ZNF280D: variants seen among roughly 807,000 people sequenced by gnomAD.
ZNF280D encodes the protein suppressor of hairy wing homolog 4.
Under a neutral mutation model 94.7 loss-of-function variants are expected in ZNF280D, and 39 were observed. The observed-to-expected ratio is 0.41, with a 90% CI of 0.32 to 0.54. ZNF280D has a LOEUF of 0.54. Ranked by LOEUF, ZNF280D falls within the 20% of genes least tolerant of loss-of-function variation. ZNF280D has a pLI of 0.22. For synonymous variants in ZNF280D, 398 were observed against 377.6 expected, an observed-to-expected ratio of 1.05 and a Z score of -0.63; for missense variants, 1,090 against 1,149.3, an observed-to-expected ratio of 0.95 and a Z score of 0.75.
chr15:56,678,364 G>A (rs2055388064), intron 11 of ZNF280D, among the ~76,000 whole-genome samples: 1 of 152,084 alleles, frequency 6.6e-6, no homozygotes, highest in African/African-American at 2.4e-5. Flanking sequence ...TTTAAATGAA[G>A]AGCAATGATT....
At position 56,710,884 on chromosome 15, in the gene ZNF280D, A is replaced by G. The variant is rs1400538080; in HGVS notation, c.-85-3578T>C. Among the ~76,000 whole-genome samples the G allele has an allele frequency of 1.2e-4, 18 of 152,196 alleles. 1 individual carries two copies. Among genetic ancestry groups the G allele is most frequent in the African/African-American group, 4.3e-4 (18 of 41,450 alleles). ...GATAAGAAAAAAATTAAGCAATTTC[A>G]CAAACTACAACTGTAGTATCTGCAC... On this transcript the variant is annotated intron_variant, in intron 1 of 21. Transcript: ENST00000267807.
In ZNF280D at chr15:56,709,386, T is replaced by C. The variant is rs1404100902; in HGVS notation, c.-85-2080A>G. ...AGATGCTAGAGAGGATGTGGAGAAA[T>C]AGGAACACTTTTACACTGTTGGTGG... On this transcript the variant is annotated intron_variant, in intron 1 of 21. Coordinates refer to ENST00000267807, the MANE Select transcript of ZNF280D (RefSeq NM_017661.4). Among the ~76,000 whole-genome samples, 41 of 150,818 alleles carry C rather than the reference T, an allele frequency of 2.7e-4. No homozygotes were observed. The South Asian group carries it at 3.6e-3, about 13-fold the overall frequency.
At position 56,654,199 on chromosome 15, in the gene ZNF280D, CAGAA is replaced by C; in HGVS notation, c.2208_2211del (p.Ser737AsnfsTer2). ...GCACTGAATAAAAATTAAACTTACT[CAGAA>C]AGGTGCTCAGAAGTTGGGATACAAA... On this transcript the variant is annotated frameshift_variant and splice_region_variant, in exon 19 of 22. Coordinates refer to ENST00000267807, the MANE Select transcript of ZNF280D (RefSeq NM_017661.4). LOFTEE classifies it high-confidence loss of function. The C allele has an allele frequency of 6.2e-7, 1 of 1,607,992 alleles. No homozygotes were observed. The highest frequency in any genetic ancestry group is 8.5e-7 in the Non-Finnish European group (1 of 1,178,376).
intron 1 of ZNF280D, among the ~76,000 whole-genome samples, chr15:56,716,857 T>C (rs1430523247): frequency 1.3e-5 from 2 of 152,196 alleles, no homozygotes; most frequent in Non-Finnish European, 2.9e-5. Flanking sequence ...GGCTCATTTG[T>C]AGAAATAACT....
intron 1 of ZNF280D, among the ~76,000 whole-genome samples, chr15:56,727,961 A>G (rs1368551611): frequency 6.6e-6 from 1 of 152,196 alleles, no homozygotes; most frequent in Non-Finnish European, 1.5e-5. Context: ...AATATGGACC[A>G]TGCTGTTCTG....
intron 1 of ZNF280D, among the ~76,000 whole-genome samples, chr15:56,732,037 C>CT (rs1206107087): frequency 6.6e-6 from 1 of 152,166 alleles, no homozygotes; most frequent in Non-Finnish European, 1.5e-5. Flanking sequence ...GAAAGGGCAA[C>CT]TGAGTAATGT....
chr15:56,669,997 T>TAA (rs1491496939), intron 13 of ZNF280D, among the ~76,000 whole-genome samples: 1 of 676 alleles, frequency 1.5e-3, no homozygotes, highest in Non-Finnish European at 3.2e-3. Context: ...TATATATATA[T>TAA]TATATATATA....
chr15:56,678,968 C>G, intron 10 of ZNF280D, 147 bp from the exon 11 acceptor site: 2 of 633,008 alleles, frequency 3.2e-6, no homozygotes, highest in Non-Finnish European at 4.8e-6. Flanking sequence ...AAAGTATGCA[C>G]TTTTAAATAA....
Position 56,631,222 on chromosome 15 carries a change from T to C in ZNF280D, c.*276A>G, listed in dbSNP as rs1216708769. 2 of 318,600 alleles carry C rather than the reference T, an allele frequency of 6.3e-6. No homozygotes were observed. Among genetic ancestry groups the C allele is most frequent in the African/African-American group, 2.1e-5 (1 of 47,848 alleles). The allele number at this position is 318,600 out of a possible 1,614,324, so 19.7% of individuals were successfully genotyped here. On this transcript the variant is annotated 3_prime_UTR_variant, in exon 22 of 22. Coordinates refer to ENST00000267807, the MANE Select transcript of ZNF280D (RefSeq NM_017661.4). ...ATGTCAGCAACCAAATCCCATTTCC[T>C]TGAAAACCATTAAATGAGACCTTTC...
At chr15:56,716,754 C>T (rs1454964133) in intron 1 of ZNF280D, among the ~76,000 whole-genome samples, 3 of 152,020 alleles carry the variant, frequency 2.0e-5, no homozygotes, top group African/African-American at 7.2e-5. Context: ...TAATCAACAC[C>T]CCCACTTGAA....
At chr15:56,643,962 A>G (rs17238845) in intron 19 of ZNF280D, among the ~76,000 whole-genome samples, 72,009 of 151,704 alleles carry the variant, frequency 0.47, 18,882 homozygotes, top group East Asian at 0.62. Context: ...TGGCTAATCA[A>G]TGAAACAGAG....
intron 19 of ZNF280D, chr15:56,653,888 A>T: frequency 1.6e-6 from 2 of 1,244,268 alleles, no homozygotes; most frequent in Non-Finnish European, 2.0e-6. Flanking sequence ...ATAAGGTGGA[A>T]TAAGAATCTA....
chr15:56,720,070 A>G (rs935844634), intron 1 of ZNF280D, among the ~76,000 whole-genome samples: 1 of 152,120 alleles, frequency 6.6e-6, no homozygotes, highest in Non-Finnish European at 1.5e-5. Flanking sequence ...TGGCACATCC[A>G]TCGACTTTTC....
At chr15:56,694,294 TACACACACACACACACACACACACACAC>T (rs57017142) in intron 6 of ZNF280D, among the ~76,000 whole-genome samples, 2 of 138,406 alleles carry the variant, frequency 1.4e-5, no homozygotes, top group African/African-American at 5.4e-5. Context: ...TAATGACACA[TACACACACACACACACACACACACACAC>T]ACACACACAC....
chr15:56,718,375 C>T lies in ZNF280D; in HGVS notation c.-85-11069G>A, dbSNP rs117069429. Among the ~76,000 whole-genome samples the T allele has an allele frequency of 3.8e-3, 571 of 152,202 alleles. 4 individuals are homozygous for T. Among genetic ancestry groups the T allele is most frequent in the Non-Finnish European group, 6.0e-3 (406 of 67,996 alleles). On this transcript the variant is annotated intron_variant, in intron 1 of 21. Coordinates refer to ENST00000267807, the MANE Select transcript of ZNF280D (RefSeq NM_017661.4). ...TCATTTTAATAAAGATGTTTGAGGGCTTAAATCAAAACTCCCAATGAAATC... is the reference window on the plus strand; with the variant it reads ...TCATTTTAATAAAGATGTTTGAGGGTTTAAATCAAAACTCCCAATGAAATC...
chr15:56,704,049 A>G, intron 4 of ZNF280D, 72 bp downstream of exon 4: 2 of 1,542,838 alleles, frequency 1.3e-6, no homozygotes, highest in South Asian at 1.2e-5. Flanking sequence ...ACTACCTATT[A>G]AACAGTTCAC....
Position 56,669,960 on chromosome 15 carries a change from TATTA to T in ZNF280D, c.1411-1007_1411-1004del, listed in dbSNP as rs1270526677. On this transcript the variant is annotated intron_variant, in intron 13 of 21. Coordinates refer to ENST00000267807, the MANE Select transcript of ZNF280D (RefSeq NM_017661.4). Reference sequence around the variant, plus strand: ...ATTATATATATATATTATATATATATATTATATATATATAATATATATATTATAT... The same window carrying T: ...ATTATATATATATATTATATATATATTATATATATAATATATATATTATAT... Among the ~76,000 whole-genome samples the T allele has an allele frequency of 3.0e-3, 10 of 3,338 alleles. 1 individual carries two copies. The highest frequency in any genetic ancestry group is 8.2e-3 in the African/African-American group (6 of 734). 2.2% of individuals were successfully genotyped at this position (3,338 alleles called of 152,430 possible).
intron 4 of ZNF280D, 25 bp downstream of exon 4, chr15:56,704,096 G>C: frequency 1.9e-6 from 3 of 1,611,466 alleles, no homozygotes; most frequent in Middle Eastern, 1.7e-4. Context: ...TATAAAGCTT[G>C]GTTTCACTAA....
intron 19 of ZNF280D, chr15:56,653,341 A>C: frequency 1.6e-6 from 2 of 1,255,884 alleles, no homozygotes; most frequent in Non-Finnish European, 2.0e-6. Context: ...CAAAGCCCCC[A>C]GTGGGAAGTA....
Sources: allele counts gnomAD v4.1 joint callset (sites outside exome capture counted in the v4.1 genomes callset), GRCh38; gene constraint gnomAD v4.1.1; transcripts MANE v1.5; gene names NCBI Gene and HGNC (gene_info 2026-07-23, HGNC 2026-07-21).